Variants in TRAF3IP2 observed in about 807,000 individuals in gnomAD.
TRAF3IP2 encodes TRAF3 interacting protein 2, also known as E3 ubiquitin ligase TRAF3IP2.
In TRAF3IP2, 35 loss-of-function variants were observed where a neutral mutation model predicts 57.9. The ratio of observed to expected loss-of-function variants is 0.60; its 90% CI spans 0.46 to 0.80. The LOEUF is 0.80. Ranked by LOEUF, TRAF3IP2 falls within the 30% of genes least tolerant of loss-of-function variation. The probability of loss-of-function intolerance (pLI) is 0.00; values close to 1 mark genes in which losing one functional copy is unlikely to be tolerated. For missense variants in TRAF3IP2, 556 were observed against 706.4 expected, an observed-to-expected ratio of 0.79 and a Z score of 2.41; for synonymous variants, 251 against 268.9, an observed-to-expected ratio of 0.93 and a Z score of 0.65.
chr6:111,592,742 T>G (rs894183173), intron 1 of TRAF3IP2, among the ~76,000 whole-genome samples: 1 of 151,428 alleles, frequency 6.6e-6, no homozygotes, highest in African/African-American at 2.4e-5. Flanking sequence ...TTTCCTAATT[T>G]TAAAAAATAA....
chr6:111,567,227 T>G (rs959881179), intron 6 of TRAF3IP2: 1 of 1,007,984 alleles, frequency 9.9e-7, no homozygotes, highest in Non-Finnish European at 1.2e-6. Context: ...TCGGGGGTGG[T>G]GTGCTGTGCA....
chr6:111,580,501 G>T, intron 2 of TRAF3IP2, 112 bp from the exon 3 acceptor site: 1 of 898,766 alleles, frequency 1.1e-6, no homozygotes, highest in Non-Finnish European at 1.6e-6. Context: ...GAGGGGTCCA[G>T]ATATCTGTTA....
At position 111,598,130 on chromosome 6, in the gene TRAF3IP2, C is replaced by T. The variant is rs148453710; in HGVS notation, c.-8-6036G>A. On this transcript the variant is annotated intron_variant, in intron 1 of 8. Transcript: ENST00000368761. Reference sequence around the variant, plus strand: ...GCTCAGAACCCCTCTCTGAGGCTCCCAATACAGAGCCCAGGCCCCACACCC... The same window carrying T: ...GCTCAGAACCCCTCTCTGAGGCTCCTAATACAGAGCCCAGGCCCCACACCC... The T allele has an allele frequency of 1.9e-3, 589 of 314,574 alleles. 4 individuals are homozygous for T. The highest frequency in any genetic ancestry group is 0.012 in the African/African-American group (567 of 46,086). The allele number at this position is 314,574 out of a possible 1,614,324, so 19.5% of individuals were successfully genotyped here.
At chr6:111,562,033 T>C (rs2128369249) in intron 8 of TRAF3IP2, among the ~76,000 whole-genome samples, 1 of 152,332 alleles carries the variant, frequency 6.6e-6, no homozygotes, top group South Asian at 2.1e-4. Context: ...AGTCTTGACA[T>C]CTGAGGATCC....
chr6:111,566,612 G>C, intron 6 of TRAF3IP2, 52 bp from the exon 7 acceptor site: 1 of 1,510,686 alleles, frequency 6.6e-7, no homozygotes, highest in Non-Finnish European at 9.2e-7. Context: ...CAGCAGGACT[G>C]TGGGCATTCT....
intron 3 of TRAF3IP2, among the ~76,000 whole-genome samples, chr6:111,579,647 G>A (rs1320425084): frequency 6.6e-6 from 1 of 152,028 alleles, no homozygotes; most frequent in Non-Finnish European, 1.5e-5. Flanking sequence ...TGGGAGGATC[G>A]CTTGAACCTG....
In TRAF3IP2 at chr6:111,591,307, T is replaced by C; in HGVS notation, c.780A>G (p.Pro260=). 7 of 1,514,408 alleles carry C rather than the reference T, an allele frequency of 4.6e-6. No homozygotes were observed. Among genetic ancestry groups the C allele is most frequent in the Middle Eastern group, 1.8e-4 (1 of 5,586 alleles). 93.8% of individuals were successfully genotyped at this position (1,514,408 alleles called of 1,614,324 possible). ...MLPPNLSPHA[P]WNYHYHCPGS... ...CAGGACAATGGTAATGATAGTTCCA[T>C]GGAGCATGTGGGGAAAGATTGGGAG... The change falls in exon 2 of 9, where the codon CCA becomes CCG. Residue 260 remains proline (P), a synonymous_variant. Transcript: ENST00000368761. This position sits in a 1 kb window ranked among gnomAD's most constrained non-coding sequence, Gnocchi z 4.9.
At chr6:111,578,574 C>T (rs896817506) in intron 3 of TRAF3IP2, among the ~76,000 whole-genome samples, 5 of 152,062 alleles carry the variant, frequency 3.3e-5, no homozygotes, top group Admixed American at 6.6e-5. Flanking sequence ...GTGCAGGAGG[C>T]GAAGGTTTCA....
At chr6:111,602,745 T>C (rs1796911524) in intron 1 of TRAF3IP2, among the ~76,000 whole-genome samples, 1 of 151,914 alleles carries the variant, frequency 6.6e-6, no homozygotes, top group South Asian at 2.1e-4. Flanking sequence ...GGGAGACCTG[T>C]TGACTCTGGG....
intron 1 of TRAF3IP2, among the ~76,000 whole-genome samples, chr6:111,604,929 T>C (rs1255423601): frequency 6.6e-6 from 1 of 152,168 alleles, no homozygotes; most frequent in East Asian, 1.9e-4. Flanking sequence ...GACACACTCA[T>C]GTTAGATCAC....
chr6:111,571,503 C>T (rs989242850), intron 5 of TRAF3IP2, among the ~76,000 whole-genome samples: 3 of 152,114 alleles, frequency 2.0e-5, no homozygotes, highest in Non-Finnish European at 4.4e-5. Context: ...TGAGCCACCA[C>T]GCCTGGCTGC....
At chr6:111,602,472 G>A (rs1188340460) in intron 1 of TRAF3IP2, among the ~76,000 whole-genome samples, 1 of 152,142 alleles carries the variant, frequency 6.6e-6, no homozygotes, top group Non-Finnish European at 1.5e-5. Context: ...GAGGAAGGGA[G>A]AGAAAGGAAG....
At chr6:111,562,422 C>T (rs1027534719) in intron 8 of TRAF3IP2, among the ~76,000 whole-genome samples, 38 of 152,140 alleles carry the variant, frequency 2.5e-4, no homozygotes, top group Admixed American at 2.2e-3. Flanking sequence ...TTGTGTGCAA[C>T]GGTTCTTTGA....
chr6:111,584,717 T>G (rs375590663), intron 2 of TRAF3IP2, among the ~76,000 whole-genome samples: 1 of 151,170 alleles, frequency 6.6e-6, no homozygotes, highest in East Asian at 1.9e-4. Context: ...ATCATTTCAC[T>G]GCTAAAGTTT....
chr6:111,572,846 A>G (rs1562423190), intron 5 of TRAF3IP2, 49 bp downstream of exon 5: 3 of 1,401,404 alleles, frequency 2.1e-6, no homozygotes, highest in Non-Finnish European at 3.0e-6. Context: ...TTTTCTCTCC[A>G]TTGTACTCAC....
Position 111,580,323 on chromosome 6 carries a change from A to G in TRAF3IP2, c.896T>C (p.Leu299Pro). 6.2e-7 allele frequency: 1 copy of G among 1,607,400 alleles called. No individual in the cohort carries two copies. The highest frequency in any genetic ancestry group is 8.5e-7 in the Non-Finnish European group (1 of 1,178,082). The part of the protein sequence containing the change: ...VIQPALPGQP[L>P]PGASVRGLHP... Reference sequence around the variant, plus strand: ...CAGGCCTCTCACACTGGCTCCAGGCAGGGGCTGCCCAGGCAGAGCCGGCTG... The same window carrying G: ...CAGGCCTCTCACACTGGCTCCAGGCGGGGGCTGCCCAGGCAGAGCCGGCTG... The change falls in exon 3 of 9, where the codon CTG becomes CCG. Residue 299 changes from leucine to proline, a missense_variant. Coordinates refer to ENST00000368761, the MANE Select transcript of TRAF3IP2 (RefSeq NM_147686.4).
In TRAF3IP2 at chr6:111,573,206, A is replaced by G. The variant is rs186848269; in HGVS notation, c.1202-223T>C. ...CTGTCCAAGGGAGTGCAGACTGCTCAGCGTGAATGGAAATCAGAGCGACAG... is the reference window on the plus strand; with the variant it reads ...CTGTCCAAGGGAGTGCAGACTGCTCGGCGTGAATGGAAATCAGAGCGACAG... On this transcript the variant is annotated intron_variant, in intron 4 of 8. Transcript: ENST00000368761. Among the ~76,000 whole-genome samples the G allele has an allele frequency of 2.6e-5, 4 of 152,312 alleles. No individual in the cohort carries two copies. In the East Asian group the frequency reaches 5.8e-4, roughly 22 times the overall value.
intron 1 of TRAF3IP2, among the ~76,000 whole-genome samples, chr6:111,594,959 C>T (rs910838843): frequency 1.1e-4 from 16 of 152,304 alleles, no homozygotes; most frequent in South Asian, 8.3e-4. Flanking sequence ...TGGCCAGGCG[C>T]GGTGGCTAAT....
At chr6:111,586,090 G>C (rs1037212934) in intron 2 of TRAF3IP2, among the ~76,000 whole-genome samples, 1 of 152,264 alleles carries the variant, frequency 6.6e-6, no homozygotes, top group Middle Eastern at 3.4e-3. Context: ...GTTTAGCCAG[G>C]AAACAAAATG....
Sources: gnomAD v4.1 joint callset for allele counts (sites outside exome capture counted in the v4.1 genomes callset) on GRCh38, gnomAD v4.1.1 for gene constraint, Gnocchi (gnomAD v3.1) non-coding constraint, MANE v1.5 for transcripts, NCBI Gene and HGNC (gene_info 2026-07-23, HGNC 2026-07-21) for gene names.